EHHADH: variants seen among roughly 807,000 people sequenced by gnomAD.
EHHADH encodes the protein enoyl-CoA hydratase and 3-hydroxyacyl CoA dehydrogenase.
EHHADH carries 48 observed loss-of-function variants against 64.4 expected under a neutral mutation model. The observed-to-expected ratio is 0.75, with a 90% CI of 0.59 to 0.95. The LOEUF (loss-of-function observed/expected upper bound fraction) is 0.95. EHHADH is among the 40% of genes least tolerant of loss of function. The pLI, the probability that EHHADH is intolerant of heterozygous loss-of-function variation, is 0.00. For synonymous variants in EHHADH, 308 were observed against 326.7 expected (o/e 0.94, Z 0.62); for missense variants, 854 against 876.6 (o/e 0.97, Z 0.33).
intron 2 of EHHADH, among the ~76,000 whole-genome samples, chr3:185,236,505 C>T (rs1719301022): frequency 7.0e-6 from 1 of 143,458 alleles, no homozygotes; most frequent in Admixed American, 6.9e-5. Context: ...TTATATTTTC[C>T]TGTTTTCATA....
chr3:185,240,399 G>A (rs1719416868), intron 2 of EHHADH, among the ~76,000 whole-genome samples: 2 of 77,308 alleles, frequency 2.6e-5, no homozygotes, highest in African/African-American at 6.3e-5. Flanking sequence ...ATCTGGTCTT[G>A]GGTTTTTTTT....
At chr3:185,217,817 T>G (rs375510980) in intron 5 of EHHADH, among the ~76,000 whole-genome samples, 10 of 150,676 alleles carry the variant, frequency 6.6e-5, no homozygotes, top group African/African-American at 2.4e-4. Flanking sequence ...CAGGATGGAG[T>G]GCAGTGGCGC....
intron 4 of EHHADH, among the ~76,000 whole-genome samples, chr3:185,227,781 G>A (rs925346063): frequency 6.6e-6 from 1 of 151,970 alleles, no homozygotes; most frequent in Middle Eastern, 3.4e-3. Flanking sequence ...AGTTGAGATC[G>A]CGCCATTGCA....
chr3:185,198,150 T>C (rs1464442836), intron 6 of EHHADH, among the ~76,000 whole-genome samples: 2 of 152,116 alleles, frequency 1.3e-5, no homozygotes, highest in African/African-American at 4.8e-5. Flanking sequence ...CTGGATTATA[T>C]GGCAATTTTT....
At chr3:185,243,099 G>A (rs142256943) in intron 2 of EHHADH, among the ~76,000 whole-genome samples, 15 of 152,312 alleles carry the variant, frequency 9.8e-5, no homozygotes, top group African/African-American at 3.6e-4. Flanking sequence ...TCCAGGTAAG[G>A]TCAGAATCTT....
chr3:185,250,177 C>A (rs1040335250), intron 1 of EHHADH, among the ~76,000 whole-genome samples: 6 of 152,116 alleles, frequency 3.9e-5, no homozygotes, highest in African/African-American at 1.4e-4. Flanking sequence ...CAAGCGTAAT[C>A]TTAACTAAGA....
chr3:185,209,406 A>C lies in EHHADH; in HGVS notation c.569-4649T>G, dbSNP rs1371201963. 2.0e-5 allele frequency among the ~76,000 whole-genome samples: 3 copies of C among 152,356 alleles called. No individual in the cohort carries two copies. The East Asian group carries it at 5.8e-4, about 29-fold the overall frequency. ...AAAGTTTTCATAAAATAATAAATTCATAACAACTTACAGTTACCAAAACTT... is the reference window on the plus strand; with the variant it reads ...AAAGTTTTCATAAAATAATAAATTCCTAACAACTTACAGTTACCAAAACTT... On this transcript the variant is annotated intron_variant, in intron 5 of 6. Transcript: ENST00000231887.
At chr3:185,212,250 A>G (rs530124157) in intron 5 of EHHADH, among the ~76,000 whole-genome samples, 3 of 152,252 alleles carry the variant, frequency 2.0e-5, no homozygotes, top group Non-Finnish European at 2.9e-5. Flanking sequence ...GGTTTGGCCA[A>G]GTAATTCTGC....
At chr3:185,228,472 A>T (rs988667591) in intron 4 of EHHADH, among the ~76,000 whole-genome samples, 3 of 151,376 alleles carry the variant, frequency 2.0e-5, no homozygotes, top group Non-Finnish European at 4.4e-5. Context: ...TGAGGTAGGG[A>T]GTTTGAGACC....
chr3:185,234,137 C>A (rs1400128651), intron 3 of EHHADH, among the ~76,000 whole-genome samples: 1 of 152,104 alleles, frequency 6.6e-6, no homozygotes, highest in African/African-American at 2.4e-5. Context: ...TTATTTTCAT[C>A]ATTAGAAAAA....
intron 6 of EHHADH, among the ~76,000 whole-genome samples, chr3:185,197,875 C>A (rs1015136807): frequency 6.7e-6 from 1 of 150,304 alleles, no homozygotes; most frequent in Non-Finnish European, 1.5e-5. Flanking sequence ...CGGAACACTG[C>A]AACCTCTGCC....
At chr3:185,235,954 C>A (rs1175331759) in intron 2 of EHHADH, among the ~76,000 whole-genome samples, 1 of 151,996 alleles carries the variant, frequency 6.6e-6, no homozygotes, top group Non-Finnish European at 1.5e-5. Flanking sequence ...AACATGTATA[C>A]ATATTTATGA....
At chr3:185,247,835 AT>A (rs1413988358) in intron 2 of EHHADH, 2 of 152,158 alleles carry the variant, frequency 1.3e-5, no homozygotes, top group East Asian at 3.8e-4. Context: ...CTTTTGCCAT[AT>A]TTTGTCAATA....
At chr3:185,193,539 T>G in intron 6 of EHHADH, 52 bp from the exon 7 acceptor site, 1 of 1,574,014 alleles carries the variant, frequency 6.4e-7, no homozygotes, top group Non-Finnish European at 8.6e-7. Flanking sequence ...TATTGGGAAC[T>G]GATAAATTAT....
At chr3:185,197,887 C>G (rs979948845) in intron 6 of EHHADH, among the ~76,000 whole-genome samples, 2 of 151,996 alleles carry the variant, frequency 1.3e-5, no homozygotes, top group African/African-American at 4.8e-5. Flanking sequence ...ACCTCTGCCT[C>G]CTGGGTTCAA....
chr3:185,221,577 C>CTTTTTTTT (rs10663266), intron 4 of EHHADH, among the ~76,000 whole-genome samples: 1 of 130,746 alleles, frequency 7.6e-6, no homozygotes. Flanking sequence ...ATTTTTTTTT[C>CTTTTTTTT]TTTTTTTTTT....
At chr3:185,243,192 T>C (rs1236160939) in intron 2 of EHHADH, among the ~76,000 whole-genome samples, 1 of 152,228 alleles carries the variant, frequency 6.6e-6, no homozygotes. Context: ...TTCCGCAGTT[T>C]GGGCACTCAC....
intron 4 of EHHADH, among the ~76,000 whole-genome samples, chr3:185,225,606 T>C (rs1303378290): frequency 1.3e-5 from 2 of 152,144 alleles, no homozygotes; most frequent in African/African-American, 2.4e-5. Flanking sequence ...ACTCCTCTGC[T>C]TGAAACACTC....
At chr3:185,218,938 G>A (rs1237803721) in intron 4 of EHHADH, among the ~76,000 whole-genome samples, 4 of 152,180 alleles carry the variant, frequency 2.6e-5, no homozygotes, top group African/African-American at 9.6e-5. Context: ...CAGGAGAATC[G>A]CTTGAACCCA....
Sources: gnomAD v4.1 joint callset for allele counts (sites outside exome capture counted in the v4.1 genomes callset) on GRCh38, gnomAD v4.1.1 for gene constraint, MANE v1.5 for transcripts, NCBI Gene and HGNC (gene_info 2026-07-23, HGNC 2026-07-21) for gene names.